C8orf88: variants seen among roughly 807,000 people sequenced by gnomAD.
The protein encoded by C8orf88 is uncharacterized protein C8orf88.
Under a neutral mutation model 18.4 loss-of-function variants are expected in C8orf88, and 14 were observed. The observed-to-expected ratio is 0.76, with a 90% CI of 0.50 to 1.19. C8orf88 has a LOEUF of 1.19. C8orf88 is among the 50% of genes most tolerant of loss of function. The pLI is 0.00. For missense variants in C8orf88, 116 were observed against 134.7 expected (o/e 0.86, Z 0.69); for synonymous variants, 45 against 42.9 (o/e 1.05, Z -0.19).
intron 3 of C8orf88, among the ~76,000 whole-genome samples, chr8:90,976,590 A>G (rs1040588358): frequency 2.6e-5 from 4 of 152,106 alleles, no homozygotes; most frequent in Non-Finnish European, 4.4e-5. Context: ...AGTAATTAAG[A>G]CATCATGATA....
intron 3 of C8orf88, among the ~76,000 whole-genome samples, chr8:90,978,003 A>G (rs1811375347): frequency 1.3e-5 from 2 of 152,144 alleles, no homozygotes; most frequent in South Asian, 2.1e-4. Flanking sequence ...GTATCTAGGT[A>G]AGAAACTGGT....
intron 3 of C8orf88, among the ~76,000 whole-genome samples, chr8:90,976,708 G>A (rs1185148660): frequency 2.0e-5 from 3 of 152,000 alleles, no homozygotes; most frequent in East Asian, 1.9e-4. Flanking sequence ...CTATAAATCA[G>A]TGTGGAAAGG....
At chr8:90,970,364 AAATT>A (rs1031393224) in intron 4 of C8orf88, among the ~76,000 whole-genome samples, 4 of 152,042 alleles carry the variant, frequency 2.6e-5, no homozygotes, top group Non-Finnish European at 4.4e-5. Flanking sequence ...TAGAAGAAAA[AAATT>A]AATGGTCTTT....
At chr8:90,978,773 T>C (rs1811390412) in intron 2 of C8orf88, 121 bp from the exon 3 acceptor site, 5 of 509,676 alleles carry the variant, frequency 9.8e-6, no homozygotes, top group Non-Finnish European at 1.4e-5. Context: ...TTCTGATAGT[T>C]CATTTATTCA....
At chr8:90,977,524 A>T (rs925116218) in intron 3 of C8orf88, among the ~76,000 whole-genome samples, 1 of 152,240 alleles carries the variant, frequency 6.6e-6, no homozygotes, top group Non-Finnish European at 1.5e-5. Flanking sequence ...GTATAGTCAC[A>T]TATATTAAAA....
At chr8:90,980,327 A>G in intron 2 of C8orf88, 36 bp downstream of exon 2, 9 of 1,325,628 alleles carry the variant, frequency 6.8e-6, no homozygotes, top group Non-Finnish European at 9.1e-6. Context: ...TCATTAACAC[A>G]TTAATATTTA....
rs922517331 is a variant in C8orf88, at chr8:90,978,637, A to G, written c.89T>C (p.Phe30Ser). ...GCATGGATATTCGTTTTGAAAGTTG[A>G]AAGGGAACACTGCTCCTGTTAGGAG... ...LTSPPGAVFP[F>S]NFQNEYPCNT... Residue 30 changes from phenylalanine (F) to serine (S), a missense_variant, in exon 3 of 6, where the codon TTC (phenylalanine) becomes TCC (serine). Transcript: ENST00000517562. 3.1e-5 allele frequency: 47 copies of G among 1,527,156 alleles called. No homozygotes were observed. The highest frequency in any genetic ancestry group is 4.0e-5 in the Non-Finnish European group (46 of 1,141,670). 94.6% of individuals were successfully genotyped at this position (1,527,156 alleles called of 1,614,324 possible).
Position 90,958,687 on chromosome 8 carries a change from C to A in C8orf88, c.*320G>T, listed in dbSNP as rs903736999. On this transcript the variant is annotated 3_prime_UTR_variant, in exon 6 of 6. Transcript: ENST00000517562. ...TGAGAGTCTTTACAGCTTACATTTC[C>A]ATTCCATTATTACAAGTGATGAAAA... 1.5e-5 allele frequency: 4 copies of A among 262,192 alleles called. No homozygotes were observed. Among genetic ancestry groups the A allele is most frequent in the Non-Finnish European group, 2.9e-5 (4 of 139,218 alleles). 16.2% of individuals were successfully genotyped at this position (262,192 alleles called of 1,614,324 possible).
intron 4 of C8orf88, among the ~76,000 whole-genome samples, chr8:90,969,892 T>C (rs1811259712): frequency 1.3e-5 from 2 of 151,850 alleles, no homozygotes; most frequent in Non-Finnish European, 2.9e-5. Flanking sequence ...TGCACATTAG[T>C]ACTAAAGAAC....
chr8:90,979,074 G>A (rs1811394125), intron 2 of C8orf88, among the ~76,000 whole-genome samples: 5 of 152,310 alleles, frequency 3.3e-5, no homozygotes, highest in East Asian at 3.9e-4. Context: ...GAGATGGCCA[G>A]GGAGTATGTA....
chr8:90,974,258 A>G (rs1445047519), intron 3 of C8orf88, among the ~76,000 whole-genome samples: 2 of 152,174 alleles, frequency 1.3e-5, no homozygotes, highest in African/African-American at 2.4e-5. Context: ...CCAGTCCCAG[A>G]TATTAAGAGA....
intron 3 of C8orf88, among the ~76,000 whole-genome samples, chr8:90,973,576 GAA>G (rs1811310901): frequency 6.6e-6 from 1 of 152,088 alleles, no homozygotes; most frequent in Non-Finnish European, 1.5e-5. Context: ...TTGAACTCCT[GAA>G]CTCAAGTCAT....
intron 4 of C8orf88, among the ~76,000 whole-genome samples, chr8:90,968,802 T>C (rs1286828346): frequency 6.7e-6 from 1 of 149,234 alleles, no homozygotes; most frequent in East Asian, 2.0e-4. Context: ...AACAACCCAG[T>C]TAAAATATTG....
chr8:90,958,929 A>C lies in C8orf88; in HGVS notation c.*78T>G. The stretch of plus-strand genomic sequence containing the variant: ...AAAATTAAGAATAAATTGAATTGTC[A>C]CAGTCCATTACAGTTATTGTTGCTA... On this transcript the variant is annotated 3_prime_UTR_variant, in exon 6 of 6. Transcript: ENST00000517562. 1 of 789,384 alleles carries C rather than the reference A, an allele frequency of 1.3e-6. No individual in the cohort carries two copies. Among genetic ancestry groups the C allele is most frequent in the African/African-American group, 1.8e-5 (1 of 54,496 alleles). 48.9% of individuals were successfully genotyped at this position (789,384 alleles called of 1,614,324 possible).
At chr8:90,978,735 G>C (rs745636289) in intron 2 of C8orf88, 83 bp from the exon 3 acceptor site, 2 of 728,982 alleles carry the variant, frequency 2.7e-6, no homozygotes, top group Non-Finnish European at 4.3e-6. Context: ...AAGTATCCAA[G>C]ATATTCTTGG....
chr8:90,961,481 C>T (rs1811126251), intron 4 of C8orf88, among the ~76,000 whole-genome samples: 1 of 145,590 alleles, frequency 6.9e-6, no homozygotes, highest in Admixed American at 7.3e-5. Flanking sequence ...AGAACGGTAA[C>T]CCAGAATTTC....
chr8:90,964,672 G>A (rs1811170526), intron 4 of C8orf88, among the ~76,000 whole-genome samples: 3 of 151,604 alleles, frequency 2.0e-5, no homozygotes. Flanking sequence ...TAAAAGACAA[G>A]TGCATACAAA....
chr8:90,965,077 CAG>C (rs1319983161), intron 4 of C8orf88, among the ~76,000 whole-genome samples: 8 of 151,206 alleles, frequency 5.3e-5, no homozygotes, highest in Non-Finnish European at 1.0e-4. Flanking sequence ...TTATAAAAGG[CAG>C]AGATTGGTAG....
At chr8:90,960,487 T>C (rs963174264) in intron 5 of C8orf88, among the ~76,000 whole-genome samples, 1 of 151,376 alleles carries the variant, frequency 6.6e-6, no homozygotes, top group African/African-American at 2.4e-5. Context: ...AATAAAACTT[T>C]TAGAGTATGG....
Sources: gnomAD v4.1 joint callset for allele counts (sites outside exome capture counted in the v4.1 genomes callset) on GRCh38, gnomAD v4.1.1 for gene constraint, MANE v1.5 for transcripts, NCBI Gene and HGNC (gene_info 2026-07-23, HGNC 2026-07-21) for gene names.